The following LAMA3 variants were observed in gnomAD, a reference collection of about 807,000 sequenced individuals.
The protein encoded by LAMA3 is laminin subunit alpha-3.
Under a neutral mutation model 402.0 loss-of-function variants are expected in LAMA3, and 281 were observed. That is an observed-to-expected ratio of 0.70 (90% CI 0.63 to 0.77). The LOEUF is 0.77. Among genes scored for constraint, LAMA3 ranks in the 30% least tolerant of loss-of-function variants. The probability of loss-of-function intolerance (pLI) is 0.00; values close to 1 mark genes in which losing one functional copy is unlikely to be tolerated. For missense variants in LAMA3, 3,840 were observed against 4,215.5 expected (o/e 0.91, Z 2.47); for synonymous variants, 1,431 against 1,558.4 (o/e 0.92, Z 1.93).
intron 8 of LAMA3, 92 bp downstream of exon 8, chr18:23,763,615 A>G: frequency 1.2e-6 from 1 of 849,788 alleles, no homozygotes; most frequent in Non-Finnish European, 2.1e-6. Context: ...AGAAAGTGGC[A>G]GGCAATCGTA....
intron 55 of LAMA3, among the ~76,000 whole-genome samples, chr18:23,912,487 A>C (rs1184037137): frequency 6.6e-6 from 1 of 152,184 alleles, no homozygotes; most frequent in African/African-American, 2.4e-5. Context: ...ACTAATAAGA[A>C]ACACAAATGC....
At chr18:23,947,396 C>T (rs2082745209) in intron 70 of LAMA3, among the ~76,000 whole-genome samples, 1 of 152,162 alleles carries the variant, frequency 6.6e-6, no homozygotes, top group Admixed American at 6.5e-5. Context: ...TCCTCCAGAC[C>T]CAGTGGCACA....
In LAMA3 at chr18:23,932,510, T is replaced by A. The variant is rs755878711; in HGVS notation, c.8708+219T>A. The A allele has an allele frequency of 1.4e-4, 67 of 495,552 alleles. No homozygotes were observed. In the East Asian group the frequency reaches 2.5e-3, roughly 18 times the overall value. The allele number at this position is 495,552 out of a possible 1,614,324, so 30.7% of individuals were successfully genotyped here. A position where few individuals can be genotyped will look rare whatever the true frequency, so the allele number is the denominator to read the frequency against. On this transcript the variant is annotated intron_variant, in intron 66 of 74. Coordinates refer to ENST00000313654, the MANE Select transcript of LAMA3 (RefSeq NM_198129.4). ...TCCTTTTGGAGGAGCAGCGTTAGCA[T>A]GTAACCTTGGAAAAGACCTAATTAA...
At chr18:23,872,961 A>G in intron 38 of LAMA3, 1 of 1,560,524 alleles carries the variant, frequency 6.4e-7, no homozygotes, top group Non-Finnish European at 8.8e-7. Flanking sequence ...TGAGTCAGGC[A>G]GGCCCGGGCA....
intron 67 of LAMA3, among the ~76,000 whole-genome samples, chr18:23,937,411 T>C (rs2082348851): frequency 6.8e-6 from 1 of 147,102 alleles, no homozygotes; most frequent in African/African-American, 2.5e-5. Context: ...GGGCTGACTT[T>C]CAGGGCATAG....
chr18:23,705,610 G>A (rs369537588), intron 1 of LAMA3, among the ~76,000 whole-genome samples: 9 of 151,964 alleles, frequency 5.9e-5, no homozygotes, highest in African/African-American at 1.9e-4. Flanking sequence ...CTGCAGCCTC[G>A]ACTTCCCAGG....
intron 8 of LAMA3, among the ~76,000 whole-genome samples, chr18:23,772,938 T>C (rs1476392790): frequency 6.6e-6 from 1 of 152,250 alleles, no homozygotes; most frequent in African/African-American, 2.4e-5. Flanking sequence ...TATTGTACTT[T>C]AAAATGAGCT....
intron 1 of LAMA3, 75 bp downstream of exon 1, chr18:23,690,052 C>G: frequency 1.7e-6 from 2 of 1,185,460 alleles, no homozygotes; most frequent in South Asian, 1.8e-5. Flanking sequence ...GAGAAGGGAT[C>G]GGGCCCTTTC....
intron 29 of LAMA3, among the ~76,000 whole-genome samples, chr18:23,844,421 C>T (rs1268035173): frequency 6.6e-6 from 1 of 152,210 alleles, no homozygotes; most frequent in Admixed American, 6.5e-5. Context: ...TCCAGGGAGA[C>T]ATCAGGCATG....
intron 41 of LAMA3, among the ~76,000 whole-genome samples, chr18:23,885,875 A>G (rs146318544): frequency 6.6e-6 from 1 of 152,310 alleles, no homozygotes; most frequent in East Asian, 1.9e-4. Flanking sequence ...ACAGAAAGCC[A>G]CTGTTAAAAA....
Position 23,920,954 on chromosome 18 carries a change from A to G in LAMA3, c.7943A>G (p.Asn2648Ser), listed in dbSNP as rs370722004. ...AENGDRFISL[N>S]IEDGKLMVRY... is the part of the protein sequence containing the mutation. ...TCCTAGGATCGCTTCATATCTCTAA[A>G]TATAGAAGATGGCAAGCTCATGGTG... Residue 2648 changes from asparagine to serine, a missense_variant, in exon 61 of 75, where the codon AAT becomes AGT. Coordinates refer to ENST00000313654, the MANE Select transcript of LAMA3 (RefSeq NM_198129.4). 1 of 1,613,968 alleles carries G rather than the reference A, an allele frequency of 6.2e-7. No homozygotes were observed. Among genetic ancestry groups the G allele is most frequent in the African/African-American group, 1.3e-5 (1 of 74,928 alleles).
intron 39 of LAMA3, among the ~76,000 whole-genome samples, chr18:23,878,468 T>C (rs746663242): frequency 1.3e-5 from 2 of 152,210 alleles, no homozygotes; most frequent in Non-Finnish European, 2.9e-5. Context: ...TGCTGTCTAG[T>C]AGGCAATGTG....
At chr18:23,767,739 A>G (rs1798685599) in intron 8 of LAMA3, among the ~76,000 whole-genome samples, 1 of 151,868 alleles carries the variant, frequency 6.6e-6, no homozygotes, top group East Asian at 1.9e-4. Flanking sequence ...ATGCCTGGCT[A>G]ATTTTTCATT....
At chr18:23,697,114 G>A (rs1474702879) in intron 1 of LAMA3, among the ~76,000 whole-genome samples, 1 of 152,272 alleles carries the variant, frequency 6.6e-6, no homozygotes, top group South Asian at 2.1e-4. Flanking sequence ...TAGGAAGGAG[G>A]GTGTAATGTT....
chr18:23,848,541 G>C (rs1330439083), intron 32 of LAMA3, among the ~76,000 whole-genome samples: 1 of 152,154 alleles, frequency 6.6e-6, no homozygotes, highest in African/African-American at 2.4e-5. Flanking sequence ...GGATGGCAGC[G>C]TGCAGGGGAA....
intron 2 of LAMA3, among the ~76,000 whole-genome samples, chr18:23,740,040 G>C (rs2061536575): frequency 6.6e-6 from 1 of 152,202 alleles, no homozygotes; most frequent in Admixed American, 6.5e-5. Context: ...GAAAAAGTGA[G>C]TTTTACAGGG....
At chr18:23,704,461 G>A (rs2145862849) in intron 1 of LAMA3, among the ~76,000 whole-genome samples, 1 of 152,346 alleles carries the variant, frequency 6.6e-6, no homozygotes, top group East Asian at 1.9e-4. Context: ...ACCTCTCTGA[G>A]CTGTTTCTTC....
chr18:23,818,198 C>T lies in LAMA3; in HGVS notation c.2148-1643C>T, dbSNP rs887995701. 1.2e-4 allele frequency among the ~76,000 whole-genome samples: 19 copies of T among 152,276 alleles called. 1 individual carries two copies. Among genetic ancestry groups the T allele is most frequent in the Admixed American group, 1.2e-3 (19 of 15,298 alleles). The stretch of plus-strand genomic sequence containing the variant: ...TTTCCACCTGTGTTTCATCTTGCTC[C>T]ACCCTGGTGTTGATAAAATGAGCTT... On this transcript the variant is annotated intron_variant, in intron 18 of 74. Transcript: ENST00000313654.
At chr18:23,846,082 T>C (rs2063808594) in intron 30 of LAMA3, among the ~76,000 whole-genome samples, 1 of 152,168 alleles carries the variant, frequency 6.6e-6, no homozygotes, top group Non-Finnish European at 1.5e-5. Flanking sequence ...CGCTGACCTG[T>C]TCTGTGATGT....
Sources: allele counts gnomAD v4.1 joint callset (sites outside exome capture counted in the v4.1 genomes callset), GRCh38; gene constraint gnomAD v4.1.1; transcripts MANE v1.5; gene names NCBI Gene and HGNC (gene_info 2026-07-23, HGNC 2026-07-21).